The following CC2D2A variants were observed in gnomAD, a reference collection of about 807,000 sequenced individuals.
CC2D2A encodes coiled-coil and C2 domain containing 2A, also known as coiled-coil and C2 domain-containing protein 2A.
A neutral mutation model predicts 212.9 loss-of-function variants in CC2D2A; 155 were observed. The observed-to-expected ratio is 0.73, with a 90% CI of 0.64 to 0.83. The LOEUF is 0.83. Ranked by LOEUF, CC2D2A falls within the 40% of genes least tolerant of loss-of-function variation. CC2D2A has a pLI of 0.00. For synonymous variants in CC2D2A, 667 were observed against 686.5 expected (o/e 0.97, Z 0.44); for missense variants, 1,856 against 1,956.2 (o/e 0.95, Z 0.97).
intron 6 of CC2D2A, 80 bp from the exon 7 acceptor site, chr4:15,510,059 G>A (rs1330148103): frequency 9.7e-7 from 1 of 1,029,094 alleles, no homozygotes; most frequent in Non-Finnish European, 1.5e-6. Context: ...CTTTGGGATG[G>A]GGGGGTTAAC....
chr4:15,561,096 A>G (rs2109062250), intron 23 of CC2D2A, among the ~76,000 whole-genome samples: 1 of 152,342 alleles, frequency 6.6e-6, no homozygotes, highest in East Asian at 1.9e-4. Context: ...GAGCTGGTGC[A>G]TGTGCTTGGT....
chr4:15,536,082 A>C (rs1347204390), intron 14 of CC2D2A, among the ~76,000 whole-genome samples: 1 of 152,220 alleles, frequency 6.6e-6, no homozygotes, highest in Non-Finnish European at 1.5e-5. Context: ...CACTGTGGGA[A>C]ACGGTGGTTT....
rs4698392 is a variant in CC2D2A at position 15,507,764 on chromosome 4, G to C, written c.439-2375G>C. Among the ~76,000 whole-genome samples, 5 of 152,208 alleles carry C rather than the reference G, an allele frequency of 3.3e-5. No individual in the cohort carries two copies. In the East Asian group the frequency reaches 7.7e-4, roughly 24 times the overall value. ...GGGGAATTCAATGGGCTTGGAGAAC[G>C]TAACAGTGGCCTCGGACAAAGTCTG... On this transcript the variant is annotated intron_variant, in intron 6 of 36. Coordinates refer to ENST00000424120, the MANE Select transcript of CC2D2A (RefSeq NM_001378615.1).
chr4:15,585,648 C>A (rs1232935672), intron 30 of CC2D2A, among the ~76,000 whole-genome samples: 1 of 152,116 alleles, frequency 6.6e-6, no homozygotes, highest in Non-Finnish European at 1.5e-5. Context: ...AATATTATCA[C>A]CGCAAAGAAA....
chr4:15,490,986 A>C (rs765918882), intron 4 of CC2D2A, among the ~76,000 whole-genome samples: 9 of 152,092 alleles, frequency 5.9e-5, no homozygotes, highest in Admixed American at 2.6e-4. Context: ...CTTAAAAGGG[A>C]TAGGAATTGC....
At chr4:15,530,345 T>C (rs539714266) in intron 13 of CC2D2A, among the ~76,000 whole-genome samples, 2 of 152,298 alleles carry the variant, frequency 1.3e-5, no homozygotes, top group African/African-American at 4.8e-5. Context: ...AAGTAGAAAT[T>C]AGTGAAGTTT....
At chr4:15,542,018 C>T (rs761864363) in intron 17 of CC2D2A, among the ~76,000 whole-genome samples, 47 of 152,024 alleles carry the variant, frequency 3.1e-4, no homozygotes, top group Non-Finnish European at 5.3e-4. Flanking sequence ...TTTGTGTTAG[C>T]GTAACTCTAA....
At chr4:15,496,961 C>A (rs1034861104) in intron 4 of CC2D2A, among the ~76,000 whole-genome samples, 7 of 152,132 alleles carry the variant, frequency 4.6e-5, no homozygotes, top group Admixed American at 3.9e-4. Flanking sequence ...ATAAGAAGAA[C>A]CAGTATTGTT....
At chr4:15,596,355 T>C (rs1359391194) in intron 34 of CC2D2A, 148 bp downstream of exon 34, 2 of 585,396 alleles carry the variant, frequency 3.4e-6, no homozygotes, top group East Asian at 6.4e-5. Context: ...AAGAAACAGA[T>C]ATATACGTTT....
chr4:15,601,099 TAATA>T (rs1306101437), intron 36 of CC2D2A, 134 bp from the exon 37 acceptor site: 6 of 724,224 alleles, frequency 8.3e-6, no homozygotes, highest in South Asian at 1.9e-5. Context: ...TCTGTATTGC[TAATA>T]AAAAGCTGAG....
At chr4:15,557,616 C>T (rs1341266372) in intron 21 of CC2D2A, 109 bp downstream of exon 21, 8 of 635,320 alleles carry the variant, frequency 1.3e-5, no homozygotes, top group African/African-American at 7.5e-5. Flanking sequence ...CTAGCAATAG[C>T]GGTTTCTCTT....
intron 4 of CC2D2A, chr4:15,493,058 A>C (rs549779472): frequency 4.4e-4 from 159 of 359,128 alleles, no homozygotes; most frequent in African/African-American, 3.3e-3. Context: ...CCATTCCCTC[A>C]ATTTTTGGGT....
intron 4 of CC2D2A, among the ~76,000 whole-genome samples, chr4:15,491,287 C>T (rs759726757): frequency 6.6e-6 from 1 of 152,192 alleles, no homozygotes; most frequent in African/African-American, 2.4e-5. Flanking sequence ...ATACCCTTTA[C>T]AGTCGATGTA....
At chr4:15,570,531 G>T in intron 28 of CC2D2A, 35 bp downstream of exon 28, 1 of 1,401,730 alleles carries the variant, frequency 7.1e-7, no homozygotes. Context: ...ATGAGAGCAG[G>T]GAATTTCTCT....
intron 6 of CC2D2A, among the ~76,000 whole-genome samples, chr4:15,503,772 ATATG>A (rs1216792310): frequency 1.3e-5 from 2 of 152,190 alleles, no homozygotes; most frequent in African/African-American, 2.4e-5. Flanking sequence ...AGGAATCTCA[ATATG>A]TGTTCCTCCA....
intron 22 of CC2D2A, 68 bp from the exon 23 acceptor site, chr4:15,560,463 T>TA (rs1719522441): frequency 2.5e-5 from 20 of 792,718 alleles, no homozygotes; most frequent in Non-Finnish European, 3.5e-5. Context: ...GGTAAAAACT[T>TA]AGAGTGTGGA....
intron 4 of CC2D2A, chr4:15,492,634 T>C (rs1251567620): frequency 1.9e-6 from 1 of 512,950 alleles, no homozygotes; most frequent in East Asian, 4.4e-5. Flanking sequence ...CTCAGTGAGG[T>C]GGGGGACTAA....
At chr4:15,511,615 G>A (rs2109008052) in intron 8 of CC2D2A, 192 bp downstream of exon 8, 2 of 423,354 alleles carry the variant, frequency 4.7e-6, no homozygotes, top group South Asian at 7.2e-5. Context: ...CCTACAATGT[G>A]GTAGGAAGAA....
intron 3 of CC2D2A, chr4:15,479,217 A>G: frequency 1.3e-6 from 2 of 1,535,960 alleles, no homozygotes; most frequent in Non-Finnish European, 1.7e-6. Flanking sequence ...TCTGTCTTTG[A>G]GGCAGAAGCC....
Sources: allele counts gnomAD v4.1 joint callset (sites outside exome capture counted in the v4.1 genomes callset), GRCh38; gene constraint gnomAD v4.1.1; transcripts MANE v1.5; gene names NCBI Gene and HGNC (gene_info 2026-07-23, HGNC 2026-07-21).